Variants in LRRC4C observed in about 807,000 individuals in gnomAD.
LRRC4C encodes leucine rich repeat containing 4C.
In LRRC4C, 5 loss-of-function variants were observed where a neutral mutation model predicts 33.6. The ratio of observed to expected loss-of-function variants is 0.15; its 90% CI spans 0.08 to 0.31. The LOEUF is 0.31. Among genes scored for constraint, LRRC4C ranks in the 10% least tolerant of loss-of-function variants. The probability of loss-of-function intolerance (pLI) is 1.00; values close to 1 mark genes in which losing one functional copy is unlikely to be tolerated. For synonymous variants in LRRC4C, 329 were observed against 302.0 expected (o/e 1.09, Z -0.93); for missense variants, 560 against 796.7 (o/e 0.70, Z 3.58).
At chr11:40,913,517 A>G (rs993752548) in intron 2 of LRRC4C, among the ~76,000 whole-genome samples, 75 of 152,162 alleles carry the variant, frequency 4.9e-4, no homozygotes, top group African/African-American at 1.6e-3. Context: ...AAGACACAAC[A>G]TACCAGAATC....
chr11:41,349,152 T>C (rs555873518), intron 1 of LRRC4C, among the ~76,000 whole-genome samples: 82 of 152,270 alleles, frequency 5.4e-4, no homozygotes, highest in African/African-American at 1.9e-3. Flanking sequence ...TCTTGTAGTG[T>C]GACCTTGACT....
chr11:40,310,001 G>A (rs964473900), intron 4 of LRRC4C, among the ~76,000 whole-genome samples: 10 of 152,088 alleles, frequency 6.6e-5, no homozygotes, highest in African/African-American at 2.2e-4. Context: ...CTATATGGAG[G>A]CAACCTAATG....
intron 4 of LRRC4C, among the ~76,000 whole-genome samples, chr11:40,317,647 T>G (rs993076730): frequency 5.9e-5 from 9 of 152,146 alleles, no homozygotes; most frequent in Non-Finnish European, 1.3e-4. Flanking sequence ...CCATCCTACA[T>G]GTTCCTTCCT....
At chr11:41,285,153 A>G (rs2136961195) in intron 1 of LRRC4C, among the ~76,000 whole-genome samples, 1 of 152,306 alleles carries the variant, frequency 6.6e-6, no homozygotes, top group Non-Finnish European at 1.5e-5. Flanking sequence ...ACAGCACACA[A>G]TGAACCCCAT....
intron 3 of LRRC4C, among the ~76,000 whole-genome samples, chr11:40,536,927 C>G (rs1266037693): frequency 6.6e-6 from 1 of 152,158 alleles, no homozygotes; most frequent in Non-Finnish European, 1.5e-5. Context: ...ACTACCCTTT[C>G]TGGAATATTA....
chr11:40,227,438 C>T (rs1419792217), intron 5 of LRRC4C, among the ~76,000 whole-genome samples: 2 of 152,128 alleles, frequency 1.3e-5, no homozygotes, highest in African/African-American at 4.8e-5. Context: ...AGAATTAGGT[C>T]AGTAAGTTTA....
intron 3 of LRRC4C, among the ~76,000 whole-genome samples, chr11:40,373,913 A>C (rs1948560250): frequency 6.6e-6 from 1 of 152,188 alleles, no homozygotes; most frequent in Non-Finnish European, 1.5e-5. Flanking sequence ...AGCCAATTAA[A>C]CCTTTTATTA....
chr11:41,280,613 C>T (rs942529896), intron 1 of LRRC4C, among the ~76,000 whole-genome samples: 1 of 152,092 alleles, frequency 6.6e-6, no homozygotes, highest in African/African-American at 2.4e-5. Flanking sequence ...TTATGCTATA[C>T]GATGCAGGTT....
chr11:41,280,301 A>T (rs1949621453), intron 1 of LRRC4C, among the ~76,000 whole-genome samples: 3 of 152,192 alleles, frequency 2.0e-5, no homozygotes, highest in Non-Finnish European at 2.9e-5. Context: ...TGTGAAGTGG[A>T]CCCTTAGCTG....
intron 2 of LRRC4C, among the ~76,000 whole-genome samples, chr11:40,787,683 G>A (rs1046303616): frequency 6.6e-6 from 1 of 152,106 alleles, no homozygotes; most frequent in Admixed American, 6.6e-5. Flanking sequence ...AGTTATTTTG[G>A]CAATTTAAAA....
At chr11:40,890,444 G>A (rs1955650656) in intron 2 of LRRC4C, among the ~76,000 whole-genome samples, 1 of 151,996 alleles carries the variant, frequency 6.6e-6, no homozygotes. Context: ...CACTCATGAG[G>A]GCAAAGGCCT....
chr11:40,233,353 C>A (rs1865338685), intron 5 of LRRC4C, among the ~76,000 whole-genome samples: 1 of 152,148 alleles, frequency 6.6e-6, no homozygotes, highest in Non-Finnish European at 1.5e-5. Context: ...ATGCTTACTT[C>A]TGCTAAATCA....
chr11:40,655,980 C>G (rs1168730650), intron 2 of LRRC4C, among the ~76,000 whole-genome samples: 1 of 152,092 alleles, frequency 6.6e-6, no homozygotes, highest in African/African-American at 2.4e-5. Context: ...TTCATGAGAA[C>G]TCACTCACTG....
chr11:40,508,490 A>G lies in LRRC4C; in HGVS notation c.-270+139652T>C, dbSNP rs188028475. On this transcript the variant is annotated intron_variant, in intron 3 of 6. Coordinates refer to ENST00000528697, the MANE Select transcript of LRRC4C (RefSeq NM_001258419.2). ...TGGCCCAAAAAAAGCTTAGCCTAAG[A>G]TGAAAAAAAAACCTGCCTTGTCAGC... is the stretch of plus-strand genomic sequence containing the variant. Among the ~76,000 whole-genome samples, 7 of 151,910 alleles carry G rather than the reference A, an allele frequency of 4.6e-5. No individual in the cohort carries two copies. The East Asian group carries it at 1.4e-3, about 29-fold the overall frequency.
intron 1 of LRRC4C, among the ~76,000 whole-genome samples, chr11:41,404,954 G>T (rs1341465349): frequency 6.6e-6 from 1 of 152,028 alleles, no homozygotes; most frequent in African/African-American, 2.4e-5. Flanking sequence ...TCTTTACTCA[G>T]AATAGGCTTA....
intron 3 of LRRC4C, among the ~76,000 whole-genome samples, chr11:40,433,328 A>G (rs1296896745): frequency 6.8e-6 from 1 of 147,002 alleles, no homozygotes; most frequent in Admixed American, 6.7e-5. Context: ...GAGCCATAGG[A>G]AACATTGCTT....
intron 3 of LRRC4C, among the ~76,000 whole-genome samples, chr11:40,462,835 C>T (rs1233457612): frequency 6.6e-6 from 1 of 152,014 alleles, no homozygotes; most frequent in Admixed American, 6.6e-5. Context: ...TCATTTTCAT[C>T]ATCTAAACCT....
chr11:41,208,583 G>A (rs540122463), intron 1 of LRRC4C, among the ~76,000 whole-genome samples: 216 of 152,318 alleles, frequency 1.4e-3, no homozygotes, highest in African/African-American at 5.0e-3. Context: ...TCCCACAGGG[G>A]CTATCAGGAG....
intron 1 of LRRC4C, among the ~76,000 whole-genome samples, chr11:41,239,321 C>CAAAAAAA (rs56018613): frequency 1.8e-5 from 1 of 55,168 alleles, no homozygotes; most frequent in Non-Finnish European, 3.0e-5. Flanking sequence ...GACTCTGTCT[C>CAAAAAAA]AAAAAAAAAA....
Sources: allele counts gnomAD v4.1 joint callset (sites outside exome capture counted in the v4.1 genomes callset), GRCh38; gene constraint gnomAD v4.1.1; transcripts MANE v1.5; gene names NCBI Gene and HGNC (gene_info 2026-07-23, HGNC 2026-07-21).